The following PIP4K2B variants were observed in gnomAD, a reference collection of about 807,000 sequenced individuals.
The protein encoded by PIP4K2B is phosphatidylinositol-5-phosphate 4-kinase type 2 beta.
Under a neutral mutation model 42.0 loss-of-function variants are expected in PIP4K2B, and 3 were observed. That is an observed-to-expected ratio of 0.07 (90% CI 0.03 to 0.18). The LOEUF is 0.18. Ranked by LOEUF, PIP4K2B falls within the 10% of genes least tolerant of loss-of-function variation. The pLI is 1.00. For missense variants in PIP4K2B, 332 were observed against 562.3 expected (o/e 0.59, Z 4.14); for synonymous variants, 204 against 210.1 (o/e 0.97, Z 0.25).
At chr17:38,790,847 T>A (rs1346721867) in intron 1 of PIP4K2B, among the ~76,000 whole-genome samples, 1 of 152,182 alleles carries the variant, frequency 6.6e-6, no homozygotes, top group Non-Finnish European at 1.5e-5. Context: ...CTAGGCCACA[T>A]GTAGATGATT....
intron 1 of PIP4K2B, chr17:38,792,978 G>C (rs923563324): frequency 6.6e-5 from 10 of 152,296 alleles, no homozygotes; most frequent in African/African-American, 2.2e-4. Context: ...GCCCAGGCTG[G>C]AGTGCAATGG....
chr17:38,782,723 A>T (rs1268177049), intron 3 of PIP4K2B, among the ~76,000 whole-genome samples: 1 of 151,708 alleles, frequency 6.6e-6, no homozygotes, highest in African/African-American at 2.4e-5. Flanking sequence ...AGGGGAGGAG[A>T]CTCTAACCCA....
intron 9 of PIP4K2B, 54 bp from the exon 10 acceptor site, chr17:38,769,825 G>A (rs1908908122): frequency 3.2e-6 from 5 of 1,550,592 alleles, no homozygotes; most frequent in Non-Finnish European, 4.5e-6. Context: ...CAATCAGGAG[G>A]CTGCACATGG....
chr17:38,792,556 C>T (rs982278780), intron 1 of PIP4K2B, among the ~76,000 whole-genome samples: 4 of 152,222 alleles, frequency 2.6e-5, no homozygotes, highest in African/African-American at 9.6e-5. Flanking sequence ...GCCTCCACTT[C>T]CCTGTGCGAC....
chr17:38,795,810 C>A (rs1910629803), intron 1 of PIP4K2B, among the ~76,000 whole-genome samples: 1 of 151,214 alleles, frequency 6.6e-6, no homozygotes, highest in Admixed American at 6.6e-5. Context: ...TGAAAAAATG[C>A]TCAACATCAT....
At chr17:38,789,994 G>C (rs746259783) in intron 1 of PIP4K2B, among the ~76,000 whole-genome samples, 1 of 152,096 alleles carries the variant, frequency 6.6e-6, no homozygotes, top group Non-Finnish European at 1.5e-5. Context: ...GTGATTCTAC[G>C]GTGACAGAAA....
Position 38,770,514 on chromosome 17 carries a change from G to A in PIP4K2B, c.1092C>T (p.Phe364=), listed in dbSNP as rs228290. The change falls in exon 9 of 10, where the codon TTC becomes TTT. Residue 364 remains phenylalanine, a synonymous_variant. Transcript: ENST00000619039. ...HESSPKKEVY[F]MAIIDILTPY... ...GCGTGAGGATATCAATGATGGCCAT[G>A]AAATACACCTCCTTCTTGGGGGAAC... 0.24 allele frequency: 380,884 copies of A among 1,594,990 alleles called. 49,652 individuals are homozygous for A. The highest frequency in any genetic ancestry group is 0.41 in the South Asian group (37,379 of 90,218).
At position 38,771,201 on chromosome 17, in the gene PIP4K2B, C is replaced by T; in HGVS notation, c.879G>A (p.Gln293=). The change falls in exon 8 of 10, where the codon CAG becomes CAA. Residue 293 remains glutamine, a synonymous_variant. Coordinates refer to ENST00000619039, the MANE Select transcript of PIP4K2B (RefSeq NM_003559.5). ...VGIHDVDRAE[Q]EEMEVEERAE... ...CCCGCTCCTCCACCTCCATCTCCTCCTGCTCTGCCCGGTCCACGTCGTGGA... is the reference window on the plus strand; with the variant it reads ...CCCGCTCCTCCACCTCCATCTCCTCTTGCTCTGCCCGGTCCACGTCGTGGA... 6.2e-7 allele frequency: 1 copy of T among 1,614,142 alleles called. No homozygotes were observed. The highest frequency in any genetic ancestry group is 8.5e-7 in the Non-Finnish European group (1 of 1,180,036).
Position 38,768,971 on chromosome 17 carries a change from A to G in PIP4K2B, c.*720T>C, listed in dbSNP as rs2143299139. On this transcript the variant is annotated 3_prime_UTR_variant, in exon 10 of 10. Coordinates refer to ENST00000619039, the MANE Select transcript of PIP4K2B (RefSeq NM_003559.5). ...TCCTGCCCCTCACCATCCCATGAGG[A>G]TGAACTTATTCCCCTCTGAGATCTC... The G allele has an allele frequency of 6.5e-6, 1 of 152,734 alleles. No individual in the cohort carries two copies. The allele number at this position is 152,734 out of a possible 1,614,324, so 9.5% of individuals were successfully genotyped here.
At chr17:38,773,942 G>C (rs768693481) in intron 7 of PIP4K2B, among the ~76,000 whole-genome samples, 6 of 152,200 alleles carry the variant, frequency 3.9e-5, no homozygotes, top group Admixed American at 6.5e-5. Context: ...ACCACAGTAG[G>C]GGGAGAGGGT....
intron 4 of PIP4K2B, 42 bp downstream of exon 4, chr17:38,780,410 T>A: frequency 1.3e-6 from 2 of 1,562,646 alleles, no homozygotes; most frequent in Non-Finnish European, 1.7e-6. Context: ...TTCTCCCTCT[T>A]CCAACCCATC....
chr17:38,792,375 C>T (rs1910388407), intron 1 of PIP4K2B, among the ~76,000 whole-genome samples: 1 of 152,130 alleles, frequency 6.6e-6, no homozygotes. Flanking sequence ...AAGCCCTGGG[C>T]TCAAGCAATC....
intron 4 of PIP4K2B, 128 bp from the exon 5 acceptor site, chr17:38,779,657 C>T: frequency 1.3e-6 from 1 of 775,232 alleles, no homozygotes; most frequent in Non-Finnish European, 2.1e-6. Flanking sequence ...AGTTCTCCAG[C>T]TGGGTTCTAT....
At chr17:38,797,110 T>A (rs751235971) in intron 1 of PIP4K2B, among the ~76,000 whole-genome samples, 4 of 152,240 alleles carry the variant, frequency 2.6e-5, no homozygotes, top group African/African-American at 4.8e-5. Flanking sequence ...CTGTTCATTA[T>A]GTCCAGAGGC....
intron 8 of PIP4K2B, 39 bp from the exon 9 acceptor site, chr17:38,770,578 G>A: frequency 8.7e-7 from 1 of 1,148,792 alleles, no homozygotes; most frequent in Middle Eastern, 2.1e-4. Flanking sequence ...GGAAGAGGGG[G>A]CAGGAGAAGG....
intron 7 of PIP4K2B, among the ~76,000 whole-genome samples, chr17:38,773,475 T>C (rs1479230518): frequency 6.6e-6 from 1 of 152,112 alleles, no homozygotes. Context: ...TTCAAGTCTT[T>C]TATCTAGGAT....
chr17:38,769,566 C>T lies in PIP4K2B; in HGVS notation c.*125G>A, dbSNP rs1036562578. ...GGTGTCACAGGCTGCAGTCTCATTG[C>T]TAAAGCCCTCCCAAACCCGACTCTG... On this transcript the variant is annotated 3_prime_UTR_variant, in exon 10 of 10. Transcript: ENST00000619039. 3 of 735,210 alleles carry T rather than the reference C, an allele frequency of 4.1e-6. No individual in the cohort carries two copies. Among genetic ancestry groups the T allele is most frequent in the Non-Finnish European group, 7.6e-6 (3 of 395,856 alleles). The allele number at this position is 735,210 out of a possible 1,614,324, so 45.5% of individuals were successfully genotyped here.
At chr17:38,771,429 C>A (rs1056858754) in intron 7 of PIP4K2B, among the ~76,000 whole-genome samples, 157 bp from the exon 8 acceptor site, 24 of 21,932 alleles carry the variant, frequency 1.1e-3, no homozygotes, top group Non-Finnish European at 2.9e-4. Flanking sequence ...CCCGCCCTCG[C>A]GAGCTCTCTC....
intron 2 of PIP4K2B, among the ~76,000 whole-genome samples, chr17:38,785,698 A>G (rs1413225840): frequency 6.6e-6 from 1 of 152,144 alleles, no homozygotes; most frequent in African/African-American, 2.4e-5. Context: ...CAATAACAAC[A>G]ACAAAAACAC....
Sources: gnomAD v4.1 joint callset for allele counts (sites outside exome capture counted in the v4.1 genomes callset) on GRCh38, gnomAD v4.1.1 for gene constraint, MANE v1.5 for transcripts, NCBI Gene and HGNC (gene_info 2026-07-23, HGNC 2026-07-21) for gene names.